The following RNF10 variants were observed in gnomAD, a reference collection of about 807,000 sequenced individuals.
RNF10 encodes the protein ring finger protein 10.
RNF10 carries 38 observed loss-of-function variants against 91.4 expected under a neutral mutation model. That is an observed-to-expected ratio of 0.42 (90% CI 0.32 to 0.54). The LOEUF (loss-of-function observed/expected upper bound fraction) is 0.54. RNF10 is among the 20% of genes least tolerant of loss of function. The pLI is 0.16. For missense variants in RNF10, 945 were observed against 1,012.0 expected (o/e 0.93, Z 0.90); for synonymous variants, 364 against 366.3 (o/e 0.99, Z 0.07).
rs139403251 is a variant in RNF10 at position 120,560,687 on chromosome 12, G to C, written c.968-39G>C. ...ATTTAGCTACACCATCGTGAGCTTT[G>C]AATGTTGCATTTCTTTGATCTTGCT... On this transcript the variant is annotated intron_variant, in intron 6 of 16. Coordinates refer to ENST00000325954, the MANE Select transcript of RNF10 (RefSeq NM_014868.5). The C allele has an allele frequency of 4.1e-5, 66 of 1,593,636 alleles. No homozygotes were observed. The African/African-American group carries it at 7.9e-4, about 19-fold the overall frequency.
At position 120,546,501 on chromosome 12, in the gene RNF10, G is replaced by A. The variant is rs1872363483; in HGVS notation, c.254G>A (p.Ser85Asn). ...ESFNNQSRRS[S>N]SQKSKTFNKM... The stretch of plus-strand genomic sequence containing the variant: ...TTTAACAACCAGTCCCGTCGCTCCA[G>A]TTCACAGAAAAGCAAGACTTTTAAC... Residue 85 changes from serine (S) to asparagine (N), a missense_variant, in exon 2 of 17, where the codon AGT becomes AAT. Transcript: ENST00000325954. 4.3e-6 allele frequency: 7 copies of A among 1,614,180 alleles called. No individual in the cohort carries two copies. In the East Asian group the frequency reaches 1.3e-4, roughly 31 times the overall value.
At chr12:120,574,203 G>A (rs1593122901) in intron 14 of RNF10, among the ~76,000 whole-genome samples, 1 of 152,192 alleles carries the variant, frequency 6.6e-6, no homozygotes, top group Non-Finnish European at 1.5e-5. Flanking sequence ...TAATGAAATC[G>A]GCATCTGCCA....
At chr12:120,552,472 A>C (rs763514111) in intron 2 of RNF10, 27 bp from the exon 3 acceptor site, 1 of 1,596,906 alleles carries the variant, frequency 6.3e-7, no homozygotes, top group Non-Finnish European at 8.6e-7. Flanking sequence ...CTAATCTGAA[A>C]TACTGATTCA....
chr12:120,577,139 A>AG lies in RNF10; in HGVS notation c.*477dup. Reference sequence around the variant, plus strand: ...ATTTAGTTCTCCTTGTTAAAGAAACAGGGGTGGGAATAAAATGGATTTAGG... The same window carrying AG: ...ATTTAGTTCTCCTTGTTAAAGAAACAGGGGGTGGGAATAAAATGGATTTAGG... On this transcript the variant is annotated 3_prime_UTR_variant, in exon 17 of 17. Transcript: ENST00000325954. 2.3e-6 allele frequency: 1 copy of AG among 443,732 alleles called. No homozygotes were observed. Among genetic ancestry groups the AG allele is most frequent in the South Asian group, 1.6e-5 (1 of 61,846 alleles). The allele number at this position is 443,732 out of a possible 1,614,324, so 27.5% of individuals were successfully genotyped here.
Position 120,574,355 on chromosome 12 carries a change from A to G in RNF10, c.2143-1276A>G, listed in dbSNP as rs190518335. On this transcript the variant is annotated intron_variant, in intron 14 of 16. Transcript: ENST00000325954. ...ATGTTCTCTGCCTTTTAAGTGGCAT[A>G]TTTGCAGTTGGGGCTCATAGTGGCC... The G allele has an allele frequency of 1.5e-3, 637 of 430,660 alleles. 4 individuals carry two copies. The highest frequency in any genetic ancestry group is 0.012 in the African/African-American group (586 of 49,086). The allele number at this position is 430,660 out of a possible 1,614,324, so 26.7% of individuals were successfully genotyped here. A position where few individuals can be genotyped will look rare whatever the true frequency, so the allele number is the denominator to read the frequency against.
chr12:120,576,882 CAA>C lies in RNF10; in HGVS notation c.*217_*218del, dbSNP rs1160591701. The C allele has an allele frequency of 3.5e-5, 19 of 537,502 alleles. No homozygotes were observed. Among genetic ancestry groups the C allele is most frequent in the African/African-American group, 1.5e-4 (8 of 51,808 alleles). The allele number at this position is 537,502 out of a possible 1,614,324, so 33.3% of individuals were successfully genotyped here. On this transcript the variant is annotated 3_prime_UTR_variant, in exon 17 of 17. Transcript: ENST00000325954. ...TTTACACCAAAATAAAGTATTGACA[CAA>C]GAGATCTCTTCCTGCCAAGGTTTTT...
intron 10 of RNF10, among the ~76,000 whole-genome samples, 170 bp downstream of exon 10, chr12:120,564,113 C>T (rs1875325804): frequency 6.6e-6 from 1 of 152,188 alleles, no homozygotes; most frequent in African/African-American, 2.4e-5. Context: ...AGTGTCCCCT[C>T]AGCATGCCAG....
In RNF10 at chr12:120,559,176, C is replaced by CTTTTTTT. The variant is rs34120761; in HGVS notation, c.967+1511_967+1517dup. ...GTTGATAGGCTGGTCTTGAACTACTCTTTTTTTTTTTTTTTTTTTTTTTGA... is the reference window on the plus strand; with the variant it reads ...GTTGATAGGCTGGTCTTGAACTACTCTTTTTTTTTTTTTTTTTTTTTTTTTTTTTTGA... On this transcript the variant is annotated intron_variant, in intron 6 of 16. Transcript: ENST00000325954. Among the ~76,000 whole-genome samples, 26 of 95,774 alleles carry CTTTTTTT rather than the reference C, an allele frequency of 2.7e-4. 1 individual carries two copies. Among genetic ancestry groups the CTTTTTTT allele is most frequent in the African/African-American group, 7.7e-4 (14 of 18,230 alleles). 62.8% of individuals were successfully genotyped at this position (95,774 alleles called of 152,430 possible). A position where few individuals can be genotyped will look rare whatever the true frequency, so the allele number is the denominator to read the frequency against.
At chr12:120,537,592 C>T (rs1386522500) in intron 1 of RNF10, among the ~76,000 whole-genome samples, 1 of 152,168 alleles carries the variant, frequency 6.6e-6, no homozygotes, top group African/African-American at 2.4e-5. Flanking sequence ...TGCACCATTG[C>T]ACTCCAGCCC....
intron 11 of RNF10, 72 bp from the exon 12 acceptor site, chr12:120,565,356 C>A: frequency 7.0e-7 from 1 of 1,421,084 alleles, no homozygotes; most frequent in Non-Finnish European, 9.9e-7. Flanking sequence ...GTGGGTTTAG[C>A]TGCTAATACT....
chr12:120,541,636 A>G (rs956677019), intron 1 of RNF10, among the ~76,000 whole-genome samples: 4 of 150,762 alleles, frequency 2.7e-5, no homozygotes, highest in Admixed American at 6.6e-5. Context: ...GGGTTTCACC[A>G]TGTTAGCCAG....
In RNF10 at chr12:120,534,714, C is replaced by T. The variant is rs1277167447; in HGVS notation, c.-98C>T. ...ATGTCGCCATGAAGGCCGAGAACCG[C>T]TGCCGCCGCCGACCCCCGCCGGCCC... On this transcript the variant is annotated 5_prime_UTR_variant, in exon 1 of 17. Coordinates refer to ENST00000325954, the MANE Select transcript of RNF10 (RefSeq NM_014868.5). 2.8e-6 allele frequency: 4 copies of T among 1,405,014 alleles called. No homozygotes were observed. Among genetic ancestry groups the T allele is most frequent in the Non-Finnish European group, 3.7e-6 (4 of 1,091,206 alleles). The allele number at this position is 1,405,014 out of a possible 1,614,324, so 87.0% of individuals were successfully genotyped here.
chr12:120,554,598 C>T (rs3213565), intron 3 of RNF10, 120 bp from the exon 4 acceptor site: 233,477 of 763,774 alleles, frequency 0.31, 38,019 homozygotes, highest in East Asian at 0.51. Context: ...TGCAGTGCCT[C>T]ATGAACCAGG....
rs542409133 is a variant in RNF10 at position 120,539,426 on chromosome 12, T to C, written c.157+4458T>C. The C allele has an allele frequency of 1.7e-5, 22 of 1,289,062 alleles. No individual in the cohort carries two copies. The African/African-American group carries it at 3.0e-4, about 18-fold the overall frequency. 79.9% of individuals were successfully genotyped at this position (1,289,062 alleles called of 1,614,324 possible). On this transcript the variant is annotated intron_variant, in intron 1 of 16. Coordinates refer to ENST00000325954, the MANE Select transcript of RNF10 (RefSeq NM_014868.5). ...CAGTTGATTCTGTAGTAAGGCCATA[T>C]GTTGCCCCTCTGGAGGTGCTTGTCA...
intron 3 of RNF10, chr12:120,554,293 G>A (rs1873639279): frequency 5.9e-6 from 1 of 168,322 alleles, no homozygotes; most frequent in Admixed American, 6.2e-5. Context: ...CACCCACCTT[G>A]GCCTCCCCAA....
At chr12:120,576,475 C>T (rs1877408543) in intron 16 of RNF10, 115 bp from the exon 17 acceptor site, 10 of 1,453,124 alleles carry the variant, frequency 6.9e-6, no homozygotes, top group Admixed American at 2.6e-5. Context: ...TCTAGGCAGT[C>T]TAATTCCAGA....
At position 120,565,189 on chromosome 12, in the gene RNF10, G is replaced by C; in HGVS notation, c.1783G>C (p.Asp595His). Residue 595 changes from aspartate (D) to histidine (H), a missense_variant and splice_region_variant, in exon 11 of 17, where the codon GAT (aspartate) becomes CAT (histidine). By Grantham distance (81) the Asp-to-His change is moderately conservative. Coordinates refer to ENST00000325954, the MANE Select transcript of RNF10 (RefSeq NM_014868.5). ...VSKETLEMFS[D>H]DIEKRKRQRQ... ...TAAGGAAACCCTAGAGATGTTCTCA[G>C]GTGAGAATGCCCCTGCTCTGCTTCT... The C allele has an allele frequency of 6.3e-7, 1 of 1,581,272 alleles. No homozygotes were observed. The highest frequency in any genetic ancestry group is 8.7e-7 in the Non-Finnish European group (1 of 1,150,104).
chr12:120,576,054 CT>C, intron 16 of RNF10, 104 bp downstream of exon 16: 1 of 1,153,286 alleles, frequency 8.7e-7, no homozygotes, highest in South Asian at 1.3e-5. Flanking sequence ...GGCTCTTTCC[CT>C]TCTGAACCCT....
At chr12:120,535,401 C>T (rs1001747692) in intron 1 of RNF10, 1 of 153,048 alleles carries the variant, frequency 6.5e-6, no homozygotes, top group African/African-American at 2.4e-5. Context: ...ACCTTTCAAA[C>T]TCAGATCTCT....
Sources: allele counts gnomAD v4.1 joint callset (sites outside exome capture counted in the v4.1 genomes callset), GRCh38; gene constraint gnomAD v4.1.1; transcripts MANE v1.5; gene names NCBI Gene and HGNC (gene_info 2026-07-23, HGNC 2026-07-21).